Variants in JAZF1 observed in about 807,000 individuals in gnomAD.
The protein encoded by JAZF1 is JAZF zinc finger 1, also known as juxtaposed with another zinc finger protein 1.
JAZF1 carries 8 observed loss-of-function variants against 26.4 expected under a neutral mutation model. The ratio of observed to expected loss-of-function variants is 0.30; its 90% CI spans 0.18 to 0.55. The LOEUF (loss-of-function observed/expected upper bound fraction) is 0.55, where lower values mean the gene tolerates loss of function less well. Among genes scored for constraint, JAZF1 ranks in the 20% least tolerant of loss-of-function variants. The probability of loss-of-function intolerance (pLI) is 0.94; values close to 1 mark genes in which losing one functional copy is unlikely to be tolerated. For missense variants in JAZF1, 199 were observed against 322.0 expected, an observed-to-expected ratio of 0.62 and a Z score of 2.92; for synonymous variants, 126 against 122.3, an observed-to-expected ratio of 1.03 and a Z score of -0.20.
At chr7:27,987,267 GCC>G (rs984694017) in intron 2 of JAZF1, among the ~76,000 whole-genome samples, 3 of 149,734 alleles carry the variant, frequency 2.0e-5, no homozygotes, top group Non-Finnish European at 4.4e-5. Flanking sequence ...CTGCCCCGAC[GCC>G]CCGTCTGGGA....
chr7:27,923,216 T>C (rs905460710), intron 2 of JAZF1, among the ~76,000 whole-genome samples: 1 of 152,218 alleles, frequency 6.6e-6, no homozygotes, highest in East Asian at 1.9e-4. Context: ...TCTTCTCTAC[T>C]CAGTGGTATA....
At chr7:28,017,390 T>G (rs1366189406) in intron 1 of JAZF1, among the ~76,000 whole-genome samples, 1 of 151,650 alleles carries the variant, frequency 6.6e-6, no homozygotes, top group East Asian at 1.9e-4. Context: ...ACTTAGTTAA[T>G]GTTTTGTTTC....
chr7:27,844,809 T>C (rs1782988732), intron 3 of JAZF1, among the ~76,000 whole-genome samples: 1 of 152,244 alleles, frequency 6.6e-6, no homozygotes, highest in South Asian at 2.1e-4. Context: ...CATCACAGTC[T>C]GCACTGAGGC....
intron 2 of JAZF1, among the ~76,000 whole-genome samples, chr7:27,897,209 G>A (rs750632973): frequency 1.3e-5 from 2 of 152,174 alleles, no homozygotes; most frequent in African/African-American, 4.8e-5. Context: ...CAGGAAGGCC[G>A]ATTGTTCTCG....
chr7:28,172,328 T>C (rs1783482365), intron 1 of JAZF1, among the ~76,000 whole-genome samples: 1 of 152,188 alleles, frequency 6.6e-6, no homozygotes, highest in South Asian at 2.1e-4. Context: ...AAACCTGTAA[T>C]CACATCTCTT....
intron 3 of JAZF1, among the ~76,000 whole-genome samples, chr7:27,845,166 A>G (rs1360470840): frequency 6.6e-6 from 1 of 152,244 alleles, no homozygotes; most frequent in African/African-American, 2.4e-5. Context: ...AACTATGTGT[A>G]TATATAGTTA....
chr7:27,886,526 A>G (rs1336976015), intron 3 of JAZF1, among the ~76,000 whole-genome samples: 1 of 152,240 alleles, frequency 6.6e-6, no homozygotes, highest in East Asian at 1.9e-4. Context: ...CCTTGCAATT[A>G]TCTATGACAT....
chr7:28,069,667 G>C (rs575455895), intron 1 of JAZF1, among the ~76,000 whole-genome samples: 2 of 152,218 alleles, frequency 1.3e-5, no homozygotes, highest in African/African-American at 4.8e-5. Context: ...TGACCTAAGG[G>C]GGGAGAAAAC....
intron 2 of JAZF1, among the ~76,000 whole-genome samples, chr7:27,980,595 T>C (rs945885804): frequency 5.0e-4 from 76 of 152,276 alleles, no homozygotes; most frequent in African/African-American, 1.8e-3. Flanking sequence ...AATTTTGAGA[T>C]GCCCAAATGT....
At chr7:27,954,478 C>T (rs993609504) in intron 2 of JAZF1, among the ~76,000 whole-genome samples, 4 of 152,130 alleles carry the variant, frequency 2.6e-5, no homozygotes, top group East Asian at 3.9e-4. Flanking sequence ...TCTGCAATAT[C>T]GATCTTGTCC....
chr7:27,847,104 TAGGCATGTACCACCAC>T (rs548549661), intron 3 of JAZF1, among the ~76,000 whole-genome samples: 100 of 151,918 alleles, frequency 6.6e-4, no homozygotes, highest in African/African-American at 2.4e-3. Context: ...GCTGGGATTA[TAGGCATGTACCACCAC>T]AGGCATGCAC....
intron 1 of JAZF1, among the ~76,000 whole-genome samples, chr7:27,994,013 TTTC>T (rs1326088820): frequency 6.0e-5 from 9 of 150,764 alleles, no homozygotes; most frequent in Non-Finnish European, 1.0e-4. Context: ...CTTCTAAAGA[TTTC>T]TTTTTTTCTC....
intron 3 of JAZF1, among the ~76,000 whole-genome samples, chr7:27,880,633 G>T (rs1489791503): frequency 6.6e-6 from 1 of 152,040 alleles, no homozygotes; most frequent in East Asian, 1.9e-4. Context: ...TCCATCTCGG[G>T]GGATGGTGGG....
intron 1 of JAZF1, among the ~76,000 whole-genome samples, chr7:28,000,622 CT>C (rs1190147547): frequency 0.056 from 3,425 of 61,536 alleles, 214 homozygotes; most frequent in East Asian, 0.34. Context: ...TTCTTTCTTT[CT>C]TTTTTTTTTT....
chr7:27,923,882 A>T (rs1042191507), intron 2 of JAZF1, among the ~76,000 whole-genome samples: 1 of 152,216 alleles, frequency 6.6e-6, no homozygotes, highest in Non-Finnish European at 1.5e-5. Context: ...TCTGGCAGGG[A>T]TGGGCTTGTC....
chr7:28,015,968 A>AC (rs149950497), intron 1 of JAZF1, among the ~76,000 whole-genome samples: 1 of 152,036 alleles, frequency 6.6e-6, no homozygotes, highest in East Asian at 1.9e-4. Context: ...CATGCTTATA[A>AC]CCCCACAGGG....
chr7:28,151,207 G>C (rs960286908), intron 1 of JAZF1, among the ~76,000 whole-genome samples: 1 of 151,602 alleles, frequency 6.6e-6, no homozygotes, highest in African/African-American at 2.4e-5. Context: ...GGGTTCAAGT[G>C]ATTCTCCTGC....
At chr7:27,927,540 T>C (rs1338612424) in intron 2 of JAZF1, among the ~76,000 whole-genome samples, 1 of 152,174 alleles carries the variant, frequency 6.6e-6, no homozygotes, top group Non-Finnish European at 1.5e-5. Context: ...AAAGTACTTA[T>C]AGTTGTGTCT....
intron 1 of JAZF1, among the ~76,000 whole-genome samples, chr7:28,004,873 G>A (rs1417365746): frequency 3.9e-5 from 6 of 152,038 alleles, no homozygotes; most frequent in African/African-American, 1.4e-4. Context: ...GGCTGGTCTC[G>A]AACTCCTGAC....
Sources: allele counts gnomAD v4.1 joint callset (sites outside exome capture counted in the v4.1 genomes callset), GRCh38; gene constraint gnomAD v4.1.1; transcripts MANE v1.5; gene names NCBI Gene and HGNC (gene_info 2026-07-23, HGNC 2026-07-21).